IGF2BP2: variants seen among roughly 807,000 people sequenced by gnomAD.
The protein encoded by IGF2BP2 is insulin-like growth factor 2 mRNA-binding protein 2.
IGF2BP2 carries 17 observed loss-of-function variants against 75.8 expected under a neutral mutation model. The ratio of observed to expected loss-of-function variants is 0.22; its 90% confidence interval spans 0.15 to 0.34. The LOEUF (loss-of-function observed/expected upper bound fraction) is 0.34, where lower values mean the gene tolerates loss of function less well. Ranked by LOEUF, IGF2BP2 falls within the 10% of genes least tolerant of loss-of-function variation. IGF2BP2 has a pLI of 1.00. For missense variants in IGF2BP2, 516 were observed against 772.4 expected (o/e 0.67, Z 3.93); for synonymous variants, 288 against 295.6 (o/e 0.97, Z 0.26).
chr3:185,660,300 G>A (rs1022237949), intron 10 of IGF2BP2, among the ~76,000 whole-genome samples: 16 of 152,216 alleles, frequency 1.1e-4, no homozygotes, highest in African/African-American at 3.9e-4. Flanking sequence ...CGTGGCTGAG[G>A]TTTGGAGTCT....
At position 185,645,588 on chromosome 3, in the gene IGF2BP2, C is replaced by T; in HGVS notation, c.1743G>A (p.Gln581=). Residue 581 remains glutamine, a synonymous_variant, in exon 16 of 16, where the codon CAG becomes CAA. Coordinates refer to ENST00000382199, the MANE Select transcript of IGF2BP2 (RefSeq NM_006548.6). The surrounding 1 kb of genome is among the most constrained non-coding windows in gnomAD (Gnocchi z 4.9). The part of the protein sequence containing the change: ...AQRKIREIVQ[Q]VKQQEQKYPQ... ...GGTATTTCTGCTCCTGCTGCTTCAC[C>T]TGTTGTACAATTTCCCTGATCTTGC... The T allele has an allele frequency of 6.2e-7, 1 of 1,613,928 alleles. No homozygotes were observed. Among genetic ancestry groups the T allele is most frequent in the South Asian group, 1.1e-5 (1 of 91,078 alleles).
chr3:185,740,283 G>A (rs961464625), intron 2 of IGF2BP2, among the ~76,000 whole-genome samples: 1 of 152,192 alleles, frequency 6.6e-6, no homozygotes, highest in African/African-American at 2.4e-5. Context: ...ACAAGGTGAA[G>A]AATAAAACAC....
chr3:185,667,799 C>T (rs968103891), intron 10 of IGF2BP2, among the ~76,000 whole-genome samples: 81 of 152,286 alleles, frequency 5.3e-4, no homozygotes, highest in African/African-American at 1.7e-3. Flanking sequence ...TGCAGATAAT[C>T]GTGTTTTTTA....
At chr3:185,734,235 T>TA (rs1560380766) in intron 2 of IGF2BP2, among the ~76,000 whole-genome samples, 1 of 152,218 alleles carries the variant, frequency 6.6e-6, no homozygotes, top group Non-Finnish European at 1.5e-5. Context: ...TCACATACTT[T>TA]ATCTCATTCA....
intron 2 of IGF2BP2, chr3:185,716,973 C>T (rs1725734097): frequency 5.4e-6 from 2 of 373,578 alleles, no homozygotes; most frequent in East Asian, 1.4e-4. Context: ...CCACCCAGTA[C>T]TGTACATGCT....
chr3:185,732,868 T>C (rs1015539554), intron 2 of IGF2BP2, among the ~76,000 whole-genome samples: 3 of 152,188 alleles, frequency 2.0e-5, no homozygotes, highest in African/African-American at 7.2e-5. Flanking sequence ...TCACAGATAA[T>C]ACCATGTGTA....
rs184057861 is a variant in IGF2BP2, at chr3:185,744,678, C to T, written c.240-46331G>A. Reference sequence around the variant, plus strand: ...ACAAAAATTAGCTGGGCGTGGTGGCCGGCGCCTGTAATCTCAGCTACTTGG... The same window carrying T: ...ACAAAAATTAGCTGGGCGTGGTGGCTGGCGCCTGTAATCTCAGCTACTTGG... On this transcript the variant is annotated intron_variant, in intron 2 of 15. Transcript: ENST00000382199. 1.5e-4 allele frequency among the ~76,000 whole-genome samples: 23 copies of T among 152,074 alleles called. No individual in the cohort carries two copies. In the East Asian group the frequency reaches 3.9e-3, roughly 26 times the overall value.
intron 2 of IGF2BP2, among the ~76,000 whole-genome samples, chr3:185,814,647 T>C (rs1740359302): frequency 6.6e-6 from 1 of 152,228 alleles, no homozygotes; most frequent in Non-Finnish European, 1.5e-5. Flanking sequence ...TTTTATCTCA[T>C]AAATTATATA....
chr3:185,720,389 G>A (rs753182579), intron 2 of IGF2BP2, among the ~76,000 whole-genome samples: 7 of 152,142 alleles, frequency 4.6e-5, no homozygotes, highest in Non-Finnish European at 8.8e-5. Context: ...TTGCTGCCCA[G>A]GCTGGAGTGT....
At chr3:185,659,086 A>T (rs1020980911) in intron 10 of IGF2BP2, among the ~76,000 whole-genome samples, 3 of 152,150 alleles carry the variant, frequency 2.0e-5, no homozygotes, top group Non-Finnish European at 2.9e-5. Context: ...TGGGTGTGGT[A>T]GTGTGCACTC....
chr3:185,790,581 G>A (rs190502582), intron 2 of IGF2BP2, among the ~76,000 whole-genome samples: 1 of 152,256 alleles, frequency 6.6e-6, no homozygotes, highest in African/African-American at 2.4e-5. Context: ...GCTGATTTCT[G>A]TATTATCATG....
At chr3:185,822,784 T>C (rs1198709869) in intron 2 of IGF2BP2, among the ~76,000 whole-genome samples, 1 of 152,004 alleles carries the variant, frequency 6.6e-6, no homozygotes, top group Non-Finnish European at 1.5e-5. Flanking sequence ...TAGTAAATAT[T>C]TACTCTTCAC....
rs1018940585 is a variant in IGF2BP2 at position 185,801,372 on chromosome 3, C to G, written c.239+21781G>C. Among the ~76,000 whole-genome samples the G allele has an allele frequency of 2.0e-4, 30 of 151,796 alleles. 1 individual carries two copies. ...GGCGTGGTGGCACATGCCTGTAATC[C>G]CAGCTACTCAGGAGGCTGAGGCAGG... is the stretch of plus-strand genomic sequence containing the variant. On this transcript the variant is annotated intron_variant, in intron 2 of 15. Transcript: ENST00000382199.
In IGF2BP2 at chr3:185,658,364, C is replaced by G; in HGVS notation, c.1246G>C (p.Gly416Arg). Reference protein sequence around the residue: ...FSSLYPHHQFGPFPHHHSYPE... With the variant: ...FSSLYPHHQFRPFPHHHSYPE... ...ACAGAGTGATGATGCGGGAACGGGC[C>G]AAACTGGTGATGGGGGTACAGGCTG... Residue 416 changes from glycine to arginine, a missense_variant, in exon 11 of 16, where the codon GGC becomes CGC. Gly to Arg is a moderately radical substitution (Grantham distance 125). Around this residue, in one of 3 missense-constraint regions of IGF2BP2, gnomAD observed 75 missense variants for 67.4 expected, o/e 1.11. Transcript: ENST00000382199. The G allele has an allele frequency of 6.2e-7, 1 of 1,613,934 alleles. No individual in the cohort carries two copies. Among genetic ancestry groups the G allele is most frequent in the Non-Finnish European group, 8.5e-7 (1 of 1,179,908 alleles).
At chr3:185,713,606 G>T (rs895727922) in intron 2 of IGF2BP2, 3 of 428,026 alleles carry the variant, frequency 7.0e-6, no homozygotes, top group Non-Finnish European at 1.4e-5. Context: ...TTAACATTGC[G>T]ATTCTGTGGA....
intron 1 of IGF2BP2, among the ~76,000 whole-genome samples, chr3:185,824,000 T>C (rs1417591207): frequency 6.6e-6 from 1 of 152,210 alleles, no homozygotes; most frequent in Admixed American, 6.5e-5. Flanking sequence ...AAGGTGCTTC[T>C]GGCCGAGCGG....
At chr3:185,670,097 G>T (rs1482304622) in intron 10 of IGF2BP2, among the ~76,000 whole-genome samples, 3 of 152,184 alleles carry the variant, frequency 2.0e-5, no homozygotes, top group East Asian at 3.8e-4. Context: ...ATGGAATCAA[G>T]ATCAGAATTA....
At chr3:185,733,771 TAATA>T (rs1553875252) in intron 2 of IGF2BP2, among the ~76,000 whole-genome samples, 5 of 151,528 alleles carry the variant, frequency 3.3e-5, no homozygotes, top group African/African-American at 7.3e-5. Flanking sequence ...ATAATAATAA[TAATA>T]AATAAATAAA....
intron 2 of IGF2BP2, among the ~76,000 whole-genome samples, chr3:185,790,089 G>A (rs772226175): frequency 6.6e-6 from 1 of 152,130 alleles, no homozygotes; most frequent in Non-Finnish European, 1.5e-5. Flanking sequence ...AGACGACAAT[G>A]TGCATCATCC....
Sources: gnomAD v4.1 joint callset for allele counts (sites outside exome capture counted in the v4.1 genomes callset) on GRCh38, gnomAD v4.1.1 for gene constraint, gnomAD v4.1.1 regional missense constraint, Gnocchi (gnomAD v3.1) non-coding constraint, MANE v1.5 for transcripts, NCBI Gene and HGNC (gene_info 2026-07-23, HGNC 2026-07-21) for gene names.